The following CPNE4 variants were observed in gnomAD, a reference collection of about 807,000 sequenced individuals.
CPNE4 encodes copine-4.
CPNE4 carries 25 observed loss-of-function variants against 67.9 expected under a neutral mutation model. The observed-to-expected ratio is 0.37, with a 90% confidence interval of 0.27 to 0.51. The LOEUF (loss-of-function observed/expected upper bound fraction) is 0.51, where lower values mean the gene tolerates loss of function less well. CPNE4 is among the 20% of genes least tolerant of loss of function. CPNE4 has a pLI of 0.93. For synonymous variants in CPNE4, 242 were observed against 244.9 expected, an observed-to-expected ratio of 0.99 and a Z score of 0.11; for missense variants, 464 against 690.8, an observed-to-expected ratio of 0.67 and a Z score of 3.68.
rs180933778 is a variant in CPNE4 at position 131,922,604 on chromosome 3, G to A, written c.-1-17160C>T. 5.3e-5 allele frequency among the ~76,000 whole-genome samples: 8 copies of A among 152,322 alleles called. No individual in the cohort carries two copies. The East Asian group carries it at 1.2e-3, about 22-fold the overall frequency. ...GAGGGCATGAGATGCTCAAATGGAT[G>A]AGTATCATTTGGGTGCTACATAACA... is the stretch of plus-strand genomic sequence containing the variant. On this transcript the variant is annotated intron_variant, in intron 1 of 15. Transcript: ENST00000429747.
intron 2 of CPNE4, among the ~76,000 whole-genome samples, chr3:131,780,548 C>T (rs929830408): frequency 6.6e-6 from 1 of 152,024 alleles, no homozygotes; most frequent in Admixed American, 6.6e-5. Flanking sequence ...GAGCTGGAGG[C>T]CGTTATCCGA....
At chr3:131,968,351 G>A (rs984817638) in intron 1 of CPNE4, among the ~76,000 whole-genome samples, 5 of 152,096 alleles carry the variant, frequency 3.3e-5, no homozygotes, top group Non-Finnish European at 5.9e-5. Context: ...GGCCAAAATT[G>A]ACAAATGGGA....
intron 1 of CPNE4, among the ~76,000 whole-genome samples, chr3:131,906,495 A>G (rs1217142503): frequency 2.0e-5 from 3 of 147,322 alleles, no homozygotes; most frequent in African/African-American, 7.5e-5. Context: ...GAGTGAGAAC[A>G]CGCGGTGTTT....
At chr3:131,868,161 CT>C (rs1317062084) in intron 2 of CPNE4, among the ~76,000 whole-genome samples, 1 of 152,138 alleles carries the variant, frequency 6.6e-6, no homozygotes, top group Non-Finnish European at 1.5e-5. Context: ...TAATTGTCCC[CT>C]GATGTCATTT....
At chr3:131,977,363 A>G (rs79722983) in intron 1 of CPNE4, among the ~76,000 whole-genome samples, 10,672 of 152,184 alleles carry the variant, frequency 0.07, 392 homozygotes, top group East Asian at 0.14. Flanking sequence ...AACAAGATAC[A>G]GTAATAATTA....
intron 3 of CPNE4, among the ~76,000 whole-genome samples, chr3:131,703,356 C>T (rs1462918534): frequency 6.6e-6 from 1 of 152,160 alleles, no homozygotes; most frequent in Non-Finnish European, 1.5e-5. Flanking sequence ...GTCACAGGTG[C>T]AAACCTTAGT....
At chr3:131,867,524 G>T (rs1408963872) in intron 2 of CPNE4, among the ~76,000 whole-genome samples, 2 of 124,218 alleles carry the variant, frequency 1.6e-5, no homozygotes, top group Non-Finnish European at 1.7e-5. Flanking sequence ...AGGCATGCGG[G>T]TGGGGGGTCT....
At chr3:131,564,744 A>T (rs1036172444) in intron 10 of CPNE4, among the ~76,000 whole-genome samples, 1 of 152,046 alleles carries the variant, frequency 6.6e-6, no homozygotes, top group South Asian at 2.1e-4. Context: ...TCTACGCGGC[A>T]TAGGTAAGAT....
At chr3:131,911,515 T>C (rs887806585) in intron 1 of CPNE4, among the ~76,000 whole-genome samples, 65 of 149,522 alleles carry the variant, frequency 4.3e-4, no homozygotes, top group African/African-American at 1.4e-3. Context: ...TTATTAATAA[T>C]ACAAACAGAT....
intron 2 of CPNE4, among the ~76,000 whole-genome samples, chr3:131,808,494 A>G (rs2107932961): frequency 6.6e-6 from 1 of 151,772 alleles, no homozygotes; most frequent in South Asian, 2.1e-4. Flanking sequence ...CAATCAATAG[A>G]AACTACTCAA....
At chr3:131,625,248 A>G (rs536315470) in intron 7 of CPNE4, among the ~76,000 whole-genome samples, 20 of 152,284 alleles carry the variant, frequency 1.3e-4, no homozygotes, top group African/African-American at 4.8e-4. Flanking sequence ...TCCAAACTCT[A>G]TTGCCCAATT....
Position 131,535,096 on chromosome 3 carries a change from A to G in CPNE4, c.*99T>C. ...AAACGTGCTATTTTTAAATGTGTATATGTTGTTGGTTTTTTAAAGTACAGG... is the reference window on the plus strand; with the variant it reads ...AAACGTGCTATTTTTAAATGTGTATGTGTTGTTGGTTTTTTAAAGTACAGG... On this transcript the variant is annotated 3_prime_UTR_variant, in exon 16 of 16. Transcript: ENST00000429747. 1 of 1,265,436 alleles carries G rather than the reference A, an allele frequency of 7.9e-7. No individual in the cohort carries two copies. The highest frequency in any genetic ancestry group is 1.6e-5 in the South Asian group (1 of 60,686). The allele number at this position is 1,265,436 out of a possible 1,614,324, so 78.4% of individuals were successfully genotyped here.
At chr3:131,914,925 G>A (rs546954514) in intron 1 of CPNE4, among the ~76,000 whole-genome samples, 47 of 152,312 alleles carry the variant, frequency 3.1e-4, no homozygotes, top group South Asian at 1.4e-3. Flanking sequence ...GCAGTGAGCC[G>A]AGATTGCGCC....
chr3:131,671,512 G>A (rs9851833), intron 6 of CPNE4, among the ~76,000 whole-genome samples: 52,710 of 151,480 alleles, frequency 0.35, 9,673 homozygotes, highest in African/African-American at 0.45. Flanking sequence ...CCACAAGTGA[G>A]CAGTTTTGCC....
rs562259079 is a variant in CPNE4 at position 131,752,964 on chromosome 3, G to A, written c.181-29339C>T. Among the ~76,000 whole-genome samples, 10 of 151,402 alleles carry A rather than the reference G, an allele frequency of 6.6e-5. No individual in the cohort carries two copies. The South Asian group carries it at 1.7e-3, about 25-fold the overall frequency. On this transcript the variant is annotated intron_variant, in intron 2 of 15. Coordinates refer to ENST00000429747, the MANE Select transcript of CPNE4 (RefSeq NM_130808.3). ...AAGAAAAATGTGAAAAGAAAATGCCGGTGAGGAGAAATTTCTTTTTCCAGA... is the reference window on the plus strand; with the variant it reads ...AAGAAAAATGTGAAAAGAAAATGCCAGTGAGGAGAAATTTCTTTTTCCAGA...
chr3:131,539,973 A>C (rs1260918524), intron 15 of CPNE4, among the ~76,000 whole-genome samples: 1 of 152,202 alleles, frequency 6.6e-6, no homozygotes, highest in East Asian at 1.9e-4. Flanking sequence ...TCTGTAAAGA[A>C]TACTACTTCT....
At chr3:131,763,178 C>A (rs945551037) in intron 2 of CPNE4, among the ~76,000 whole-genome samples, 1 of 152,012 alleles carries the variant, frequency 6.6e-6, no homozygotes, top group Non-Finnish European at 1.5e-5. Context: ...GCACAATGAG[C>A]TTTTCCTTTT....
chr3:131,988,365 G>A lies in CPNE4; in HGVS notation c.-2+46202C>T, dbSNP rs532677986. ...AGAGCAATGGGAAGCCTTTGAAAGGGCTTAAGCAGGAGAGTGGCATAATCA... is the reference window on the plus strand; with the variant it reads ...AGAGCAATGGGAAGCCTTTGAAAGGACTTAAGCAGGAGAGTGGCATAATCA... On this transcript the variant is annotated intron_variant, in intron 1 of 15. Coordinates refer to ENST00000429747, the MANE Select transcript of CPNE4 (RefSeq NM_130808.3). 3.3e-5 allele frequency among the ~76,000 whole-genome samples: 5 copies of A among 152,246 alleles called. 1 individual carries two copies. The South Asian group carries it at 8.3e-4, about 25-fold the overall frequency.
intron 2 of CPNE4, among the ~76,000 whole-genome samples, chr3:131,732,055 A>C (rs957035923): frequency 6.6e-6 from 1 of 152,164 alleles, no homozygotes; most frequent in African/African-American, 2.4e-5. Context: ...AGAACCAATA[A>C]TACTATATTC....
Sources: allele counts gnomAD v4.1 joint callset (sites outside exome capture counted in the v4.1 genomes callset), GRCh38; gene constraint gnomAD v4.1.1; transcripts MANE v1.5; gene names NCBI Gene and HGNC (gene_info 2026-07-23, HGNC 2026-07-21).